The following SGTB variants were observed in gnomAD, a reference collection of about 807,000 sequenced individuals.
SGTB encodes small glutamine-rich tetratricopeptide repeat-containing protein beta.
Under a neutral mutation model 43.9 loss-of-function variants are expected in SGTB, and 19 were observed. The ratio of observed to expected loss-of-function variants is 0.43; its 90% CI spans 0.30 to 0.63. SGTB has a LOEUF of 0.63. Among genes scored for constraint, SGTB ranks in the 30% least tolerant of loss-of-function variants. The pLI, the probability that SGTB is intolerant of heterozygous loss-of-function variation, is 0.12. For missense variants in SGTB, 304 were observed against 358.9 expected (o/e 0.85, Z 1.24); for synonymous variants, 116 against 117.3 (o/e 0.99, Z 0.07).
chr5:65,694,508 T>C (rs1251063003), intron 5 of SGTB, among the ~76,000 whole-genome samples: 1 of 152,156 alleles, frequency 6.6e-6, no homozygotes, highest in Non-Finnish European at 1.5e-5. Flanking sequence ...AGAGTTTCGC[T>C]CTTGTAGCTC....
chr5:65,713,149 T>C (rs995362374), intron 2 of SGTB, 85 bp from the exon 3 acceptor site: 1 of 928,708 alleles, frequency 1.1e-6, no homozygotes, highest in African/African-American at 1.7e-5. Context: ...CTGCAATGTA[T>C]GGAAATTCAG....
At chr5:65,719,655 C>G (rs1758217515) in intron 2 of SGTB, among the ~76,000 whole-genome samples, 1 of 152,060 alleles carries the variant, frequency 6.6e-6, no homozygotes, top group Admixed American at 6.6e-5. Context: ...TTCACTGAAC[C>G]TCCACAAGCC....
chr5:65,713,709 C>A (rs763110032), intron 2 of SGTB, among the ~76,000 whole-genome samples: 6 of 152,114 alleles, frequency 3.9e-5, no homozygotes, highest in Non-Finnish European at 5.9e-5. Context: ...TTGTTGAAGG[C>A]TACCAGAAAG....
intron 3 of SGTB, among the ~76,000 whole-genome samples, chr5:65,710,256 A>T (rs976238447): frequency 6.6e-6 from 1 of 152,190 alleles, no homozygotes; most frequent in Admixed American, 6.5e-5. Context: ...TAAATTTTCC[A>T]ATAAGCCTAG....
intron 7 of SGTB, 38 bp downstream of exon 7, chr5:65,680,618 A>G: frequency 6.2e-7 from 1 of 1,613,910 alleles, no homozygotes; most frequent in South Asian, 1.1e-5. Flanking sequence ...ATTGTGAATG[A>G]CAGAAAATAC....
At chr5:65,697,345 T>G (rs1258426657) in intron 5 of SGTB, among the ~76,000 whole-genome samples, 3 of 152,198 alleles carry the variant, frequency 2.0e-5, no homozygotes, top group African/African-American at 7.2e-5. Context: ...TGCCAAAAAT[T>G]TCTTCTAATA....
intron 6 of SGTB, 93 bp downstream of exon 6, chr5:65,685,275 T>C: frequency 9.5e-7 from 1 of 1,051,496 alleles, no homozygotes; most frequent in East Asian, 2.4e-5. Flanking sequence ...GTTCAGAGGG[T>C]AAAACATTAA....
At chr5:65,714,207 A>G (rs1216750615) in intron 2 of SGTB, among the ~76,000 whole-genome samples, 2 of 152,196 alleles carry the variant, frequency 1.3e-5, no homozygotes, top group Admixed American at 1.3e-4. Flanking sequence ...CTAAATATTA[A>G]TCTTGGTGTA....
chr5:65,703,154 G>GA lies in SGTB; in HGVS notation c.374+1124dup, dbSNP rs199547596. Among the ~76,000 whole-genome samples the GA allele has an allele frequency of 2.6e-4, 39 of 151,794 alleles. No individual in the cohort carries two copies. In the East Asian group the frequency reaches 6.4e-3, roughly 25 times the overall value. On this transcript the variant is annotated intron_variant, in intron 5 of 10. Transcript: ENST00000381007. The stretch of plus-strand genomic sequence containing the variant: ...CATTGCAGCTTTATATGATAATATT[G>GA]AAAAAAAATGGAAGCAACCTCCATG...
chr5:65,669,687 A>G lies in SGTB; in HGVS notation c.*559T>C, dbSNP rs1436814654. The G allele has an allele frequency of 6.5e-6, 1 of 152,672 alleles. No homozygotes were observed. Among genetic ancestry groups the G allele is most frequent in the Non-Finnish European group, 1.5e-5 (1 of 68,044 alleles). The allele number at this position is 152,672 out of a possible 1,614,324, so 9.5% of individuals were successfully genotyped here. A position where few individuals can be genotyped will look rare whatever the true frequency, so the allele number is the denominator to read the frequency against. Reference sequence around the variant, plus strand: ...TTAAGATTCTCTGTTCACCAGAACAAGCAACATTAAAGATAACATTGGTTC... The same window carrying G: ...TTAAGATTCTCTGTTCACCAGAACAGGCAACATTAAAGATAACATTGGTTC... On this transcript the variant is annotated 3_prime_UTR_variant, in exon 11 of 11. Coordinates refer to ENST00000381007, the MANE Select transcript of SGTB (RefSeq NM_019072.3).
In SGTB at chr5:65,712,972, A is replaced by G. The variant is rs1425544427; in HGVS notation, c.193T>C (p.Ser65Pro). The G allele has an allele frequency of 2.5e-6, 4 of 1,612,092 alleles. No homozygotes were observed. Among genetic ancestry groups the G allele is most frequent in the Non-Finnish European group, 3.4e-6 (4 of 1,178,796 alleles). Residue 65 changes from serine (S) to proline (P), a missense_variant, in exon 3 of 11, where the codon TCC becomes CCC. Physicochemically the swap from Ser to Pro is moderately conservative, Grantham distance 74. Coordinates refer to ENST00000381007, the MANE Select transcript of SGTB (RefSeq NM_019072.3). ...TAATGACAACATACCTTACAGAAGG[A>G]ACTGGTAAACATTTCTGTCAAAGGC... ...SQPLTEMFTSSFCKNDVLPLS... is the reference protein window; with the variant it reads ...SQPLTEMFTSPFCKNDVLPLS...
Position 65,675,046 on chromosome 5 carries a change from A to G in SGTB, c.682-2765T>C, listed in dbSNP as rs145535989. Among the ~76,000 whole-genome samples, 116 of 151,514 alleles carry G rather than the reference A, an allele frequency of 7.7e-4. 1 individual carries two copies. The highest frequency in any genetic ancestry group is 3.4e-3 in the Middle Eastern group (1 of 294). On this transcript the variant is annotated intron_variant, in intron 8 of 10. Coordinates refer to ENST00000381007, the MANE Select transcript of SGTB (RefSeq NM_019072.3). ...GAATAAAAACTGATTCCTGCCTTCCAAGGGCATATCATGGATAGAATAATT... is the reference window on the plus strand; with the variant it reads ...GAATAAAAACTGATTCCTGCCTTCCGAGGGCATATCATGGATAGAATAATT...
chr5:65,681,449 T>C (rs1046018074), intron 6 of SGTB, among the ~76,000 whole-genome samples: 5 of 152,196 alleles, frequency 3.3e-5, no homozygotes, highest in Non-Finnish European at 7.3e-5. Flanking sequence ...AAACAATAAC[T>C]GTATATATGG....
chr5:65,675,388 A>G (rs752565717), intron 8 of SGTB, among the ~76,000 whole-genome samples: 30 of 152,228 alleles, frequency 2.0e-4, no homozygotes, highest in Non-Finnish European at 4.3e-4. Context: ...TATGTAAGAG[A>G]GTAGTTTTTA....
At chr5:65,722,343 C>G (rs773838223), upstream of SGTB, 1 of 1,535,122 alleles carries the variant, frequency 6.5e-7, no homozygotes, top group South Asian at 1.2e-5. Context: ...AAGGACCACG[C>G]GCCCGCCGCC....
In SGTB at chr5:65,719,481, T is replaced by G. The variant is rs6865966; in HGVS notation, c.100+1227A>C. 2.9e-3 allele frequency among the ~76,000 whole-genome samples: 444 copies of G among 152,124 alleles called. 1 individual carries two copies. The highest frequency in any genetic ancestry group is 1.0e-2 in the African/African-American group (414 of 41,502). On this transcript the variant is annotated intron_variant, in intron 2 of 10. Coordinates refer to ENST00000381007, the MANE Select transcript of SGTB (RefSeq NM_019072.3). ...GGTAGTGTACTCCTGTAGTCCCAGC[T>G]ACTCAGGAGGCCGAGGTGGGAGGAT... is the stretch of plus-strand genomic sequence containing the variant.
At position 65,671,502 on chromosome 5, in the gene SGTB, C is replaced by T. The variant is rs961543255; in HGVS notation, c.803+413G>A. Reference sequence around the variant, plus strand: ...TAACCTGTACCTCAGTTTCTCTAGCCATTGGGTAGGGATATAAATTATCTA... The same window carrying T: ...TAACCTGTACCTCAGTTTCTCTAGCTATTGGGTAGGGATATAAATTATCTA... On this transcript the variant is annotated intron_variant, in intron 10 of 10. Coordinates refer to ENST00000381007, the MANE Select transcript of SGTB (RefSeq NM_019072.3). Among the ~76,000 whole-genome samples the T allele has an allele frequency of 2.0e-5, 3 of 152,252 alleles. No individual in the cohort carries two copies. The East Asian group carries it at 5.8e-4, about 29-fold the overall frequency.
At chr5:65,699,036 C>A (rs1486549189) in intron 5 of SGTB, among the ~76,000 whole-genome samples, 2 of 151,900 alleles carry the variant, frequency 1.3e-5, no homozygotes, top group Admixed American at 6.6e-5. Context: ...ACTGGGTACC[C>A]ACCCAAAGAA....
At chr5:65,680,926 T>C in intron 6 of SGTB, 132 bp from the exon 7 acceptor site, 1 of 1,036,468 alleles carries the variant, frequency 9.6e-7, no homozygotes, top group Non-Finnish European at 1.4e-6. Context: ...TTCACTGTAC[T>C]ATGGCTCACG....
Sources: gnomAD v4.1 joint callset for allele counts (sites outside exome capture counted in the v4.1 genomes callset) on GRCh38, gnomAD v4.1.1 for gene constraint, MANE v1.5 for transcripts, NCBI Gene and HGNC (gene_info 2026-07-23, HGNC 2026-07-21) for gene names.